Variants in SLC5A4 observed in about 807,000 individuals in gnomAD.
SLC5A4 encodes solute carrier family 5 member 4.
SLC5A4 carries 55 observed loss-of-function variants against 70.3 expected under a neutral mutation model. That is an observed-to-expected ratio of 0.78 (90% CI 0.63 to 0.98). The LOEUF is 0.98. Ranked by LOEUF, SLC5A4 falls within the 50% of genes least tolerant of loss-of-function variation. SLC5A4 has a pLI of 0.00. For synonymous variants in SLC5A4, 268 were observed against 305.7 expected (o/e 0.88, Z 1.29); for missense variants, 735 against 839.2 (o/e 0.88, Z 1.53).
the SLC5A4 span, among the ~76,000 whole-genome samples, chr22:32,281,283 G>A: frequency 6.6e-6 from 1 of 152,186 alleles, no homozygotes; most frequent in African/African-American, 2.4e-5. Context: ...CGGTTGGAAT[G>A]TTCTTTTAAA....
the SLC5A4 span, among the ~76,000 whole-genome samples, chr22:32,288,666 C>G: frequency 6.6e-6 from 1 of 152,104 alleles, no homozygotes; most frequent in Non-Finnish European, 1.5e-5. Flanking sequence ...CCTGCCTCAG[C>G]CACCCGAGTA....
the SLC5A4 span, chr22:32,277,147 T>C: frequency 1.3e-5 from 2 of 152,210 alleles, no homozygotes; most frequent in African/African-American, 4.8e-5. Flanking sequence ...TTTATATTTG[T>C]TTATATTTTT....
rs966739840 is a variant in SLC5A4, at chr22:32,238,854, A to T, written c.583+131T>A. The T allele has an allele frequency of 1.6e-5, 11 of 676,736 alleles. No homozygotes were observed. The Admixed American group carries it at 1.9e-4, about 12-fold the overall frequency. 41.9% of individuals were successfully genotyped at this position (676,736 alleles called of 1,614,324 possible). A position where few individuals can be genotyped will look rare whatever the true frequency, so the allele number is the denominator to read the frequency against. ...AGTTGTGTTTCTGGTGCTGTGCTTG[A>T]CTCTCATAGTGGAAATGAAATGGTG... On this transcript the variant is annotated intron_variant, in intron 6 of 14. Transcript: ENST00000266086.
the SLC5A4 span, among the ~76,000 whole-genome samples, chr22:32,322,756 C>G: frequency 1.3e-3 from 205 of 152,186 alleles, 2 homozygotes; most frequent in African/African-American, 4.6e-3. Flanking sequence ...TGTGTGGGGA[C>G]AGGCAGATAT....
the SLC5A4 span, among the ~76,000 whole-genome samples, chr22:32,318,717 G>GGC: frequency 1.3e-5 from 2 of 152,172 alleles, no homozygotes; most frequent in Admixed American, 6.5e-5. Flanking sequence ...GAGAAGCCCT[G>GGC]TGAAAACCTA....
At chr22:32,345,208 G>C in the SLC5A4 span, among the ~76,000 whole-genome samples, 2 of 152,116 alleles carry the variant, frequency 1.3e-5, no homozygotes, top group South Asian at 4.1e-4. Context: ...ACCGATTTCA[G>C]AATTAACTAA....
intron 4 of SLC5A4, among the ~76,000 whole-genome samples, chr22:32,248,123 TA>T (rs1204252117): frequency 6.6e-6 from 1 of 152,184 alleles, no homozygotes; most frequent in Non-Finnish European, 1.5e-5. Context: ...TTGTCTTCTG[TA>T]TATTTCTAGC....
chr22:32,249,950 G>A (rs181791629), intron 3 of SLC5A4, among the ~76,000 whole-genome samples: 76 of 152,202 alleles, frequency 5.0e-4, no homozygotes, highest in African/African-American at 1.8e-3. Flanking sequence ...TGTATTTTAT[G>A]TGTGGTCCAA....
the SLC5A4 span, chr22:32,272,913 C>T: frequency 2.7e-5 from 14 of 524,768 alleles, no homozygotes; most frequent in South Asian, 2.1e-4. Flanking sequence ...CAGGCCTCAA[C>T]CTCCGCACCT....
chr22:32,258,506 G>A (rs779288735), upstream of SLC5A4, among the ~76,000 whole-genome samples: 15 of 151,994 alleles, frequency 9.9e-5, no homozygotes, highest in African/African-American at 2.9e-4. Context: ...ACTAATCGTC[G>A]GGAAAATGCA....
chr22:32,307,549 C>G, the SLC5A4 span, among the ~76,000 whole-genome samples: 7,699 of 152,234 alleles, frequency 0.051, 370 homozygotes, highest in Admixed American at 0.15. Flanking sequence ...TGAGGGAAGT[C>G]CATGTCATTG....
the SLC5A4 span, among the ~76,000 whole-genome samples, chr22:32,283,449 A>G: frequency 1.3e-5 from 2 of 152,244 alleles, no homozygotes; most frequent in African/African-American, 4.8e-5. Context: ...TGCACCATTA[A>G]CATTTTCTCC....
At chr22:32,308,766 G>A in the SLC5A4 span, among the ~76,000 whole-genome samples, 5 of 68,162 alleles carry the variant, frequency 7.3e-5, no homozygotes, top group East Asian at 2.4e-3. Context: ...GAAATCACAT[G>A]TATGTGTGTG....
chr22:32,337,720 C>T, the SLC5A4 span, among the ~76,000 whole-genome samples: 5 of 152,264 alleles, frequency 3.3e-5, no homozygotes, highest in African/African-American at 1.2e-4. Flanking sequence ...ATTTGTAGCA[C>T]GTGCTGTCAA....
chr22:32,301,869 G>A, the SLC5A4 span, among the ~76,000 whole-genome samples: 7 of 151,846 alleles, frequency 4.6e-5, no homozygotes, highest in African/African-American at 1.7e-4. Context: ...TCACATTTAT[G>A]GTCAGTTGGT....
the SLC5A4 span, among the ~76,000 whole-genome samples, chr22:32,287,458 G>A: frequency 4.7e-5 from 6 of 126,758 alleles, no homozygotes; most frequent in East Asian, 2.4e-4. Flanking sequence ...CATTCTCTCC[G>A]TTTAAAAGTG....
At chr22:32,219,313 C>T (rs1011696817) in intron 14 of SLC5A4, among the ~76,000 whole-genome samples, 1 of 152,114 alleles carries the variant, frequency 6.6e-6, no homozygotes, top group African/African-American at 2.4e-5. Flanking sequence ...GACCCAACAA[C>T]GGAACTCCAC....
rs546214893 is a variant in SLC5A4, at chr22:32,235,806, A to G, written c.665-713T>C. Among the ~76,000 whole-genome samples the G allele has an allele frequency of 3.3e-5, 5 of 152,300 alleles. No homozygotes were observed. In the East Asian group the frequency reaches 5.8e-4, roughly 18 times the overall value. On this transcript the variant is annotated intron_variant, in intron 7 of 14. Transcript: ENST00000266086. ...GAAAAATTCATCAGGGTATTATACA[A>G]TTGTAGGGCTGAGTTAACATTAATT...
the SLC5A4 span, among the ~76,000 whole-genome samples, chr22:32,348,664 A>G: frequency 6.6e-6 from 1 of 152,216 alleles, no homozygotes; most frequent in African/African-American, 2.4e-5. Flanking sequence ...TTAATTAATG[A>G]CTATAAGGTA....
Sources: gnomAD v4.1 joint callset for allele counts (sites outside exome capture counted in the v4.1 genomes callset) on GRCh38, gnomAD v4.1.1 for gene constraint, MANE v1.5 for transcripts, NCBI Gene and HGNC (gene_info 2026-07-23, HGNC 2026-07-21) for gene names.